The following CHST11 variants were observed in gnomAD, a reference collection of about 807,000 sequenced individuals.
The protein encoded by CHST11 is carbohydrate sulfotransferase 11.
Under a neutral mutation model 30.4 loss-of-function variants are expected in CHST11, and 9 were observed. The ratio of observed to expected loss-of-function variants is 0.30; its 90% CI spans 0.18 to 0.52. The LOEUF (loss-of-function observed/expected upper bound fraction) is 0.52, where lower values mean the gene tolerates loss of function less well. Ranked by LOEUF, CHST11 falls within the 20% of genes least tolerant of loss-of-function variation. CHST11 has a pLI of 0.97. For synonymous variants in CHST11, 152 were observed against 187.8 expected, an observed-to-expected ratio of 0.81 and a Z score of 1.56; for missense variants, 348 against 460.6, an observed-to-expected ratio of 0.76 and a Z score of 2.24.
intron 2 of CHST11, among the ~76,000 whole-genome samples, chr12:104,749,888 G>T (rs772558440): frequency 5.9e-5 from 9 of 152,182 alleles, no homozygotes; most frequent in Non-Finnish European, 1.2e-4. Flanking sequence ...ATAAACCAAG[G>T]TTCAAGAAGT....
At chr12:104,739,521 A>G (rs2040329441) in intron 2 of CHST11, among the ~76,000 whole-genome samples, 1 of 152,220 alleles carries the variant, frequency 6.6e-6, no homozygotes, top group Admixed American at 6.5e-5. Flanking sequence ...GTCCACAGCC[A>G]GTAAGTACTA....
intron 2 of CHST11, among the ~76,000 whole-genome samples, chr12:104,663,600 C>G (rs2039616714): frequency 1.3e-5 from 2 of 152,134 alleles, no homozygotes; most frequent in South Asian, 4.1e-4. Flanking sequence ...CCATAACATT[C>G]AACTGCTTTG....
At chr12:104,618,573 T>A (rs770437523) in intron 2 of CHST11, among the ~76,000 whole-genome samples, 1 of 152,198 alleles carries the variant, frequency 6.6e-6, no homozygotes, top group Non-Finnish European at 1.5e-5. Context: ...GTTCTCATCT[T>A]TAAAACTTTC....
At chr12:104,713,786 C>T (rs985205636) in intron 2 of CHST11, among the ~76,000 whole-genome samples, 2 of 152,234 alleles carry the variant, frequency 1.3e-5, no homozygotes, top group Non-Finnish European at 1.5e-5. Flanking sequence ...GCAGCCAGGG[C>T]TTCCTAACCG....
At chr12:104,560,102 C>G (rs1345508170) in intron 1 of CHST11, among the ~76,000 whole-genome samples, 1 of 152,016 alleles carries the variant, frequency 6.6e-6, no homozygotes, top group African/African-American at 2.4e-5. Flanking sequence ...TGGGGATGAG[C>G]TAGGCATGTT....
In CHST11 at chr12:104,757,558, C is replaced by A; in HGVS notation, c.814C>A (p.His272Asn). Residue 272 changes from histidine (H) to asparagine (N), a missense_variant, in exon 3 of 3, where the codon CAC (histidine) becomes AAC (asparagine). Around this residue, in one of 3 missense-constraint regions of CHST11, gnomAD observed 210 missense variants for 287.2 expected, o/e 0.73. Coordinates refer to ENST00000303694, the MANE Select transcript of CHST11 (RefSeq NM_018413.6). This position sits in a 1 kb window ranked among gnomAD's most constrained non-coding sequence, Gnocchi z 6.5. ...VYSLCHPCHI[H>N]YDLVGKYETL... ...CTCACTCTGCCATCCCTGCCACATC[C>A]ACTATGACCTCGTGGGCAAGTACGA... 1 of 1,614,190 alleles carries A rather than the reference C, an allele frequency of 6.2e-7. No homozygotes were observed. The highest frequency in any genetic ancestry group is 1.1e-5 in the South Asian group (1 of 91,078).
At chr12:104,491,041 G>A (rs867565917) in intron 1 of CHST11, among the ~76,000 whole-genome samples, 2 of 150,158 alleles carry the variant, frequency 1.3e-5, no homozygotes, top group Non-Finnish European at 3.0e-5. Flanking sequence ...TTTGATCTCC[G>A]TCTTAACATC....
intron 2 of CHST11, among the ~76,000 whole-genome samples, chr12:104,687,687 T>C (rs890303654): frequency 6.6e-6 from 1 of 152,180 alleles, no homozygotes; most frequent in East Asian, 1.9e-4. Context: ...AATGAGAAGA[T>C]AGATGTCAAG....
intron 2 of CHST11, among the ~76,000 whole-genome samples, chr12:104,606,666 C>G (rs1391162064): frequency 6.6e-6 from 1 of 152,166 alleles, no homozygotes; most frequent in Non-Finnish European, 1.5e-5. Context: ...CCTTGAGATT[C>G]TCTTTCCCAG....
chr12:104,640,971 G>T (rs942204176), intron 2 of CHST11, among the ~76,000 whole-genome samples: 7 of 152,092 alleles, frequency 4.6e-5, no homozygotes, highest in Non-Finnish European at 1.0e-4. Context: ...AATACCCCAG[G>T]CTCAGCCAAC....
intron 2 of CHST11, among the ~76,000 whole-genome samples, chr12:104,743,506 C>A (rs2040364941): frequency 6.6e-6 from 1 of 152,196 alleles, no homozygotes; most frequent in Admixed American, 6.5e-5. Flanking sequence ...AGGCACCAAC[C>A]CTACAGGGAT....
rs573213107 is a variant in CHST11 at position 104,458,233 on chromosome 12, C to G, written c.118+704C>G. 2.0e-5 allele frequency among the ~76,000 whole-genome samples: 3 copies of G among 152,254 alleles called. No homozygotes were observed. Among genetic ancestry groups the G allele is most frequent in the East Asian group, 1.9e-4 (1 of 5,156 alleles). ...GGTGCCCCGGGGCCTGCTCCAGCCCCCAGCCCTGAGCTGGAAACTCCGAGC... is the reference window on the plus strand; with the variant it reads ...GGTGCCCCGGGGCCTGCTCCAGCCCGCAGCCCTGAGCTGGAAACTCCGAGC... On this transcript the variant is annotated intron_variant, in intron 1 of 2. Transcript: ENST00000303694. The surrounding 1 kb of genome is among the most constrained non-coding windows in gnomAD (Gnocchi z 5.7).
At chr12:104,617,032 G>T (rs2039114539) in intron 2 of CHST11, among the ~76,000 whole-genome samples, 1 of 152,214 alleles carries the variant, frequency 6.6e-6, no homozygotes, top group Admixed American at 6.5e-5. Flanking sequence ...GTGGCAGGGA[G>T]CTGGAGTCCC....
At chr12:104,673,824 C>A (rs1310697402) in intron 2 of CHST11, among the ~76,000 whole-genome samples, 2 of 152,238 alleles carry the variant, frequency 1.3e-5, no homozygotes, top group Non-Finnish European at 2.9e-5. Flanking sequence ...CCTGGAAGGG[C>A]TGCTGAAAGA....
rs2039742567 is a variant in CHST11, at chr12:104,676,301, G to A, written c.204+74310G>A. 6.6e-6 allele frequency among the ~76,000 whole-genome samples: 1 copy of A among 152,248 alleles called. No homozygotes were observed. Among genetic ancestry groups the A allele is most frequent in the Admixed American group, 6.5e-5 (1 of 15,286 alleles). On this transcript the variant is annotated intron_variant, in intron 2 of 2. Coordinates refer to ENST00000303694, the MANE Select transcript of CHST11 (RefSeq NM_018413.6). The surrounding 1 kb of genome is among the most constrained non-coding windows in gnomAD (Gnocchi z 4.4). Reference sequence around the variant, plus strand: ...AAATGAGTTCCTTCCAGAGGTTCCAGTGGAGAATCTGTCCCTTGCCTTTTT... The same window carrying A: ...AAATGAGTTCCTTCCAGAGGTTCCAATGGAGAATCTGTCCCTTGCCTTTTT...
At chr12:104,732,097 T>A (rs2040262925) in intron 2 of CHST11, among the ~76,000 whole-genome samples, 1 of 152,256 alleles carries the variant, frequency 6.6e-6, no homozygotes. Context: ...ATTGCGCTGC[T>A]GGTGGTCAGT....
At chr12:104,682,437 A>C (rs940434504) in intron 2 of CHST11, among the ~76,000 whole-genome samples, 22 of 152,264 alleles carry the variant, frequency 1.4e-4, no homozygotes, top group African/African-American at 4.8e-4. Context: ...ACCTGCCTGA[A>C]GAAACAGCAG....
At chr12:104,598,595 C>G (rs2038928307) in intron 1 of CHST11, among the ~76,000 whole-genome samples, 2 of 152,168 alleles carry the variant, frequency 1.3e-5, no homozygotes, top group African/African-American at 4.8e-5. Context: ...TGGGATGAAG[C>G]CCAAGAATGT....
intron 1 of CHST11, among the ~76,000 whole-genome samples, chr12:104,493,862 C>CA (rs1266647327): frequency 6.6e-6 from 1 of 152,188 alleles, no homozygotes; most frequent in Non-Finnish European, 1.5e-5. Flanking sequence ...CTTGCTCTGT[C>CA]ACCCAGGCTG....
Sources: allele counts gnomAD v4.1 joint callset (sites outside exome capture counted in the v4.1 genomes callset), GRCh38; gene constraint gnomAD v4.1.1; regional missense constraint gnomAD v4.1.1; non-coding constraint Gnocchi (gnomAD v3.1); transcripts MANE v1.5; gene names NCBI Gene and HGNC (gene_info 2026-07-23, HGNC 2026-07-21).